ARK2C: variants seen among roughly 807,000 people sequenced by gnomAD.
The protein encoded by ARK2C is arkadia (RNF111) C-terminal like ring finger ubiquitin ligase 2C, also known as E3 ubiquitin-protein ligase ARK2C.
At chr18:46,376,014 G>A in the ARK2C span, among the ~76,000 whole-genome samples, 8 of 152,352 alleles carry the variant, frequency 5.3e-5, no homozygotes, top group South Asian at 1.7e-3. Context: ...GGTGGCCTGA[G>A]GGTGAGATGA....
At chr18:46,378,133 G>T in the ARK2C span, among the ~76,000 whole-genome samples, 2 of 152,174 alleles carry the variant, frequency 1.3e-5, no homozygotes, top group Admixed American at 6.5e-5. Context: ...TTGAATGCAG[G>T]TTCCATTAAT....
the ARK2C span, among the ~76,000 whole-genome samples, chr18:46,409,333 C>T: frequency 1.4e-4 from 22 of 152,228 alleles, no homozygotes; most frequent in Non-Finnish European, 2.9e-4. Context: ...GTGAGATTGA[C>T]GTGATCTTCT....
the ARK2C span, among the ~76,000 whole-genome samples, chr18:46,444,577 A>G: frequency 6.6e-5 from 10 of 152,010 alleles, no homozygotes; most frequent in South Asian, 2.1e-4. Flanking sequence ...TGATCCTTCA[A>G]CCTCAGCCTC....
the ARK2C span, among the ~76,000 whole-genome samples, chr18:46,392,810 C>T: frequency 1.1e-4 from 16 of 152,162 alleles, no homozygotes; most frequent in Non-Finnish European, 2.1e-4. Context: ...GCAGTGGCAC[C>T]GCTCCTGCAC....
chr18:46,397,523 A>T, the ARK2C span, among the ~76,000 whole-genome samples: 1 of 65,248 alleles, frequency 1.5e-5, no homozygotes, highest in African/African-American at 6.5e-5. Flanking sequence ...CTGAGGTGTG[A>T]GGTGGTGTGT....
chr18:46,448,815 G>T, the ARK2C span, among the ~76,000 whole-genome samples: 1 of 152,200 alleles, frequency 6.6e-6, no homozygotes, highest in Non-Finnish European at 1.5e-5. Context: ...CATGAAAGCA[G>T]CAAAAGCTTG....
the ARK2C span, among the ~76,000 whole-genome samples, chr18:46,364,327 C>T: frequency 6.6e-6 from 1 of 151,768 alleles, no homozygotes; most frequent in Non-Finnish European, 1.5e-5. Context: ...TTTTTACCAA[C>T]CAAAGTTTGC....
the ARK2C span, among the ~76,000 whole-genome samples, chr18:46,376,778 C>A: frequency 2.2e-5 from 3 of 137,964 alleles, no homozygotes. Flanking sequence ...TCAAGCGATT[C>A]TCTTGCCTCA....
the ARK2C span, chr18:46,335,949 G>T: frequency 1.0e-6 from 1 of 985,428 alleles, no homozygotes; most frequent in Non-Finnish European, 1.2e-6. Context: ...GCATTTAGCT[G>T]TATTGTGACA....
At chr18:46,461,013 C>G in the ARK2C span, 2 of 152,336 alleles carry the variant, frequency 1.3e-5, no homozygotes, top group African/African-American at 4.8e-5. Flanking sequence ...TGAGGAAAGT[C>G]TTGGGGCACT....
the ARK2C span, chr18:46,386,627 C>T: frequency 1.3e-5 from 2 of 152,136 alleles, no homozygotes; most frequent in South Asian, 2.1e-4. Context: ...TTATTAAGTG[C>T]TCATTTCATT....
chr18:46,344,065 C>A, the ARK2C span, among the ~76,000 whole-genome samples: 2 of 152,202 alleles, frequency 1.3e-5, no homozygotes, highest in South Asian at 4.1e-4. Context: ...GGAAGTCCTC[C>A]CTGCCAGAGA....
the ARK2C span, among the ~76,000 whole-genome samples, chr18:46,452,904 T>A: frequency 1.3e-5 from 2 of 152,094 alleles, no homozygotes; most frequent in Non-Finnish European, 2.9e-5. Context: ...CCTGTCCACC[T>A]CCCCCTTTTA....
At chr18:46,368,084 G>GT in the ARK2C span, among the ~76,000 whole-genome samples, 1 of 152,208 alleles carries the variant, frequency 6.6e-6, no homozygotes, top group African/African-American at 2.4e-5. Context: ...GAGACTCCAC[G>GT]TGGGTAATTG....
At chr18:46,440,749 G>T in the ARK2C span, among the ~76,000 whole-genome samples, 26 of 152,230 alleles carry the variant, frequency 1.7e-4, no homozygotes, top group South Asian at 5.4e-3. Flanking sequence ...CATTGTGATT[G>T]GTTGATATGT....
the ARK2C span, among the ~76,000 whole-genome samples, chr18:46,347,127 G>C: frequency 3.6e-4 from 55 of 152,312 alleles, no homozygotes; most frequent in African/African-American, 2.4e-4. Context: ...GACTGGAGCT[G>C]TTCCCCGAGG....
At chr18:46,439,247 C>T in the ARK2C span, among the ~76,000 whole-genome samples, 4 of 152,202 alleles carry the variant, frequency 2.6e-5, no homozygotes, top group Admixed American at 6.5e-5. Flanking sequence ...GGGTTTTTCC[C>T]TCAGAAAGAT....
At chr18:46,450,458 C>T in the ARK2C span, 7 of 1,264,276 alleles carry the variant, frequency 5.5e-6, no homozygotes, top group African/African-American at 2.9e-5. Flanking sequence ...TTGTTATCAT[C>T]CCTTTTCCCT....
the ARK2C span, among the ~76,000 whole-genome samples, chr18:46,443,426 C>T: frequency 1.3e-5 from 2 of 152,176 alleles, no homozygotes; most frequent in African/African-American, 4.8e-5. Flanking sequence ...AAAACTCTTA[C>T]AACAGCATAC....
Sources: allele counts gnomAD v4.1 joint callset (sites outside exome capture counted in the v4.1 genomes callset), GRCh38; gene constraint gnomAD v4.1.1; transcripts MANE v1.5; gene names NCBI Gene and HGNC (gene_info 2026-07-23, HGNC 2026-07-21).